Variants in OVCH1 observed in about 807,000 individuals in gnomAD.
OVCH1 encodes ovochymase 1.
A neutral mutation model predicts 138.4 loss-of-function variants in OVCH1; 139 were observed. The observed-to-expected ratio is 1.00, with a 90% CI of 0.87 to 1.16. OVCH1 has a LOEUF of 1.16. OVCH1 is among the 50% of genes most tolerant of loss of function. The pLI is 0.00. For synonymous variants in OVCH1, 453 were observed against 467.8 expected (o/e 0.97, Z 0.41); for missense variants, 1,367 against 1,357.9 (o/e 1.01, Z -0.11).
At chr12:29,461,647 AC>A in intron 19 of OVCH1, 1 of 659,026 alleles carries the variant, frequency 1.5e-6, no homozygotes, top group Non-Finnish European at 2.7e-6. Flanking sequence ...TTGTCGCTGT[AC>A]AGCTGCTTCC....
chr12:29,445,789 T>C lies in OVCH1; in HGVS notation c.2756-386A>G, dbSNP rs143284411. Among the ~76,000 whole-genome samples, 11 of 152,192 alleles carry C rather than the reference T, an allele frequency of 7.2e-5. No individual in the cohort carries two copies. In the East Asian group the frequency reaches 2.1e-3, roughly 29 times the overall value. ...GGAAAACATTTCCTACCTGAAAATT[T>C]ATTATTTCCCTATAGTCAGTTTTTT... On this transcript the variant is annotated intron_variant, in intron 22 of 27. Coordinates refer to ENST00000318184, the Ensembl canonical transcript of OVCH1.
intron 19 of OVCH1, among the ~76,000 whole-genome samples, chr12:29,455,695 A>C (rs1229599289): frequency 6.6e-6 from 1 of 152,242 alleles, no homozygotes; most frequent in African/African-American, 2.4e-5. Flanking sequence ...GGAGGGAGAT[A>C]GTCTTTAAAT....
intron 8 of OVCH1, among the ~76,000 whole-genome samples, chr12:29,481,452 CTATT>C (rs1284944891): frequency 6.6e-6 from 1 of 152,094 alleles, no homozygotes; most frequent in East Asian, 1.9e-4. Context: ...TCCCTATAAA[CTATT>C]TATATCTTAA....
intron 6 of OVCH1, among the ~76,000 whole-genome samples, chr12:29,489,050 T>A (rs3825235): frequency 0.4 from 61,357 of 151,818 alleles, 12,653 homozygotes; most frequent in East Asian, 0.55. Flanking sequence ...AAAGAGAAGA[T>A]AATTTACTTG....
chr12:29,468,292 A>G (rs1369982827), intron 16 of OVCH1, among the ~76,000 whole-genome samples: 8 of 152,170 alleles, frequency 5.3e-5, no homozygotes, highest in Non-Finnish European at 1.0e-4. Flanking sequence ...CAAAAGCATT[A>G]CTATTATAAT....
chr12:29,483,955 G>A (rs1943014911), intron 8 of OVCH1, among the ~76,000 whole-genome samples: 1 of 152,122 alleles, frequency 6.6e-6, no homozygotes, highest in Non-Finnish European at 1.5e-5. Context: ...CACTTTCTTG[G>A]ATGGTATGGA....
Position 29,471,863 on chromosome 12 carries a change from G to A in OVCH1, c.1795C>T (p.Gln599Ter), listed in dbSNP as rs749290207. ...GGGTTGATGATGGCACCTCCACATT[G>A]GTAATCGCCTAGAAACCTCAGACCC... Residue 599 changes from glutamine to a stop codon, truncating the protein, a stop_gained, in exon 16 of 28, where the codon CAA becomes TAA. Coordinates refer to ENST00000318184, the Ensembl canonical transcript of OVCH1. LOFTEE classifies it high-confidence loss of function. The A allele has an allele frequency of 6.8e-6, 11 of 1,613,000 alleles. No individual in the cohort carries two copies. The highest frequency in any genetic ancestry group is 9.3e-6 in the Non-Finnish European group (11 of 1,179,526).
the OVCH1 span, among the ~76,000 whole-genome samples, chr12:29,407,411 G>A: frequency 1.3e-5 from 2 of 150,124 alleles, no homozygotes; most frequent in Non-Finnish European, 3.0e-5. Context: ...TATTGCCTAG[G>A]TTTTCTTCTA....
chr12:29,443,315 A>T (rs1199235306), intron 25 of OVCH1, 46 bp downstream of exon 25: 1 of 1,580,538 alleles, frequency 6.3e-7, no homozygotes, highest in Non-Finnish European at 8.6e-7. Context: ...AACATGTTTC[A>T]TCAGAGAAAA....
rs979411518 is a variant in OVCH1 at position 29,475,040 on chromosome 12, T to C, written c.1600+21A>G. On this transcript the variant is annotated intron_variant, in intron 14 of 27. Coordinates refer to ENST00000318184, the Ensembl canonical transcript of OVCH1. ...CATTTGCATAAACAAAAGTCCTTAT[T>C]ACACAAATGTTTATACTCACCTGAG... 5 of 1,570,678 alleles carry C rather than the reference T, an allele frequency of 3.2e-6. No homozygotes were observed. In the Admixed American group the frequency reaches 5.6e-5, roughly 18 times the overall value.
chr12:29,453,748 A>G (rs1941863896), intron 21 of OVCH1, among the ~76,000 whole-genome samples: 2 of 151,922 alleles, frequency 1.3e-5, no homozygotes, highest in Non-Finnish European at 2.9e-5. Flanking sequence ...CCCTTCACAT[A>G]CTTGGGGATA....
At chr12:29,495,441 T>G in exon 4 of OVCH1, 1 of 1,613,050 alleles carries the variant, frequency 6.2e-7, no homozygotes, top group Non-Finnish European at 8.5e-7. Context: ...GTCACAGTTA[T>G]ATTCTTCAGC....
At chr12:29,431,282 A>C (rs1941263406) in intron 27 of OVCH1, among the ~76,000 whole-genome samples, 1 of 151,988 alleles carries the variant, frequency 6.6e-6, no homozygotes, top group Admixed American at 6.6e-5. Flanking sequence ...CAAAAAAAAC[A>C]AAAGTGCTAG....
At chr12:29,450,005 C>T (rs1035281648) in intron 22 of OVCH1, among the ~76,000 whole-genome samples, 1 of 152,128 alleles carries the variant, frequency 6.6e-6, no homozygotes, top group Admixed American at 6.6e-5. Context: ...ACATCTTATA[C>T]AAAAATTAAC....
chr12:29,489,566 A>T, intron 6 of OVCH1, 54 bp downstream of exon 6: 1 of 1,510,088 alleles, frequency 6.6e-7, no homozygotes, highest in South Asian at 1.3e-5. Flanking sequence ...GAAAGGCAGA[A>T]TCTACTTTCA....
rs80325924 is a variant in OVCH1, at chr12:29,468,990, G to A, written c.1856+2812C>T. 4.6e-3 allele frequency among the ~76,000 whole-genome samples: 706 copies of A among 152,208 alleles called. 6 individuals carry two copies. Among genetic ancestry groups the A allele is most frequent in the African/African-American group, 0.016 (674 of 41,528 alleles). On this transcript the variant is annotated intron_variant, in intron 16 of 27. Transcript: ENST00000318184. Reference sequence around the variant, plus strand: ...AGGAAATACACATGATAGACCTAGAGTATCTTGCAGTGTTACAAAAGGATG... The same window carrying A: ...AGGAAATACACATGATAGACCTAGAATATCTTGCAGTGTTACAAAAGGATG...
At chr12:29,432,990 C>T (rs1293831586) in intron 27 of OVCH1, among the ~76,000 whole-genome samples, 1 of 152,020 alleles carries the variant, frequency 6.6e-6, no homozygotes, top group African/African-American at 2.4e-5. Context: ...AGGATAAATT[C>T]AAGAAAAACG....
At chr12:29,489,415 T>C (rs1427029955) in intron 6 of OVCH1, among the ~76,000 whole-genome samples, 1 of 151,928 alleles carries the variant, frequency 6.6e-6, no homozygotes, top group Non-Finnish European at 1.5e-5. Context: ...AAAAGAAGTG[T>C]AGGGGTAGGA....
At chr12:29,493,543 C>T (rs1315648422) in intron 4 of OVCH1, among the ~76,000 whole-genome samples, 6 of 152,152 alleles carry the variant, frequency 3.9e-5, no homozygotes, top group Admixed American at 2.6e-4. Flanking sequence ...ACTCTATCTT[C>T]TCTGTCTCTT....
Sources: allele counts gnomAD v4.1 joint callset (sites outside exome capture counted in the v4.1 genomes callset), GRCh38; gene constraint gnomAD v4.1.1; transcripts MANE v1.5; gene names NCBI Gene and HGNC (gene_info 2026-07-23, HGNC 2026-07-21).